Variants in SEC13 observed in about 807,000 individuals in gnomAD.
SEC13 encodes SEC13 homolog, nuclear pore and COPII component.
A neutral mutation model predicts 49.2 loss-of-function variants in SEC13; 25 were observed. The ratio of observed to expected loss-of-function variants is 0.51; its 90% CI spans 0.37 to 0.71. SEC13 has a LOEUF of 0.71. Among genes scored for constraint, SEC13 ranks in the 30% least tolerant of loss-of-function variants. The probability of loss-of-function intolerance (pLI) is 0.00; values close to 1 mark genes in which losing one functional copy is unlikely to be tolerated. For missense variants in SEC13, 383 were observed against 417.6 expected (o/e 0.92, Z 0.72); for synonymous variants, 148 against 163.9 (o/e 0.90, Z 0.74).
chr3:10,301,308 C>G lies in SEC13; in HGVS notation c.922G>C (p.Gly308Arg). The part of the protein sequence containing the change: ...VCISDVNKGQ[G>R]SVSASVTEGQ... ...TCTGTCACTGATGCTGATACGGAGC[C>G]CTGGCCCTTGTTGACATCACTGATG... The change falls in exon 9 of 9, where the codon GGC becomes CGC. Residue 308 changes from glycine (G) to arginine (R), a missense_variant. Gly to Arg is a moderately radical substitution (Grantham distance 125). Coordinates refer to ENST00000350697, the MANE Select transcript of SEC13 (RefSeq NM_183352.3). The G allele has an allele frequency of 6.2e-7, 1 of 1,614,176 alleles. No individual in the cohort carries two copies. Among genetic ancestry groups the G allele is most frequent in the Non-Finnish European group, 8.5e-7 (1 of 1,180,036 alleles).
chr3:10,304,336 C>G (rs538395104), intron 7 of SEC13, among the ~76,000 whole-genome samples, 164 bp from the exon 8 acceptor site: 1 of 152,190 alleles, frequency 6.6e-6, no homozygotes, highest in African/African-American at 2.4e-5. Flanking sequence ...TTGTTTCTGT[C>G]TCTTCACACT....
intron 2 of SEC13, among the ~76,000 whole-genome samples, chr3:10,315,952 T>C (rs1701578504): frequency 6.6e-6 from 1 of 152,202 alleles, no homozygotes; most frequent in Non-Finnish European, 1.5e-5. Context: ...TCCATTCAGA[T>C]ATTTGGGCTC....
At chr3:10,317,408 A>G (rs1227968874) in intron 2 of SEC13, among the ~76,000 whole-genome samples, 1 of 152,168 alleles carries the variant, frequency 6.6e-6, no homozygotes, top group Non-Finnish European at 1.5e-5. Flanking sequence ...GTCTTGCTCA[A>G]AGGCTGCTTG....
chr3:10,304,809 T>C lies in SEC13; in HGVS notation c.708+224A>G, dbSNP rs1700762873. 2.6e-5 allele frequency among the ~76,000 whole-genome samples: 4 copies of C among 152,206 alleles called. No individual in the cohort carries two copies. In the South Asian group the frequency reaches 8.3e-4, roughly 32 times the overall value. Reference sequence around the variant, plus strand: ...AATTCATCCCGAATCCGCCTCCTTCTTGGTGCCGGTTCTGTTGTAGCTGTC... The same window carrying C: ...AATTCATCCCGAATCCGCCTCCTTCCTGGTGCCGGTTCTGTTGTAGCTGTC... On this transcript the variant is annotated intron_variant, in intron 7 of 8. Transcript: ENST00000350697.
intron 8 of SEC13, among the ~76,000 whole-genome samples, chr3:10,302,419 G>GAGAC (rs1376848747): frequency 1.3e-5 from 2 of 152,214 alleles, no homozygotes; most frequent in Non-Finnish European, 2.9e-5. Context: ...GGGTGCTATG[G>GAGAC]AGACAGCGAA....
intron 5 of SEC13, among the ~76,000 whole-genome samples, chr3:10,306,425 G>T (rs1559493062): frequency 1.3e-5 from 2 of 152,196 alleles, no homozygotes; most frequent in South Asian, 4.1e-4. Flanking sequence ...CAGGAGGCAC[G>T]TTAGATTGTC....
chr3:10,321,106 T>C lies in SEC13; in HGVS notation c.-54A>G. On this transcript the variant is annotated 5_prime_UTR_variant, in exon 1 of 9. Coordinates refer to ENST00000350697, the MANE Select transcript of SEC13 (RefSeq NM_183352.3). This position sits in a 1 kb window ranked among gnomAD's most constrained non-coding sequence, Gnocchi z 4.1. ...GGACGTGGCAGCTCCCGGCGGCGCC[T>C]CGGAACAGCTCACTTCCGGCGCCGG... 1.2e-6 allele frequency: 2 copies of C among 1,610,876 alleles called. No homozygotes were observed. The highest frequency in any genetic ancestry group is 1.3e-5 in the African/African-American group (1 of 74,610).
At chr3:10,313,116 A>G (rs183002183) in intron 3 of SEC13, 33 of 236,692 alleles carry the variant, frequency 1.4e-4, no homozygotes, top group African/African-American at 6.8e-4. Flanking sequence ...CTGAATTGCT[A>G]TTCATCCTTC....
intron 5 of SEC13, chr3:10,305,930 A>G: frequency 2.5e-6 from 1 of 405,554 alleles, no homozygotes; most frequent in East Asian, 3.5e-5. Context: ...AAGTTTAAGA[A>G]ACAGGACATT....
Position 10,311,972 on chromosome 3 carries a change from G to A in SEC13, c.443C>T (p.Ala148Val). ...GGCAGGGGATGGACTCACGGTGTGA[G>A]CGTTGTTGATCTTCTTTACTTCCCA... ...GQWEVKKINN[A>V]HTIGCNAVSW... is the part of the protein sequence containing the mutation. The change falls in exon 5 of 9, where the codon GCT becomes GTT. Residue 148 changes from alanine to valine, a missense_variant. By Grantham distance (64) the Ala-to-Val change is moderately conservative (BLOSUM62 0). Transcript: ENST00000350697. 2 of 1,614,222 alleles carry A rather than the reference G, an allele frequency of 1.2e-6. No individual in the cohort carries two copies. Among genetic ancestry groups the A allele is most frequent in the Non-Finnish European group, 1.7e-6 (2 of 1,180,038 alleles).
chr3:10,305,544 C>A lies in SEC13; in HGVS notation c.584+15G>T, dbSNP rs768564600. ...AAGTGTCCCCTCAAAGAGAAGGCCA[C>A]ACATCCCTACTTACTTCCACAGCTT... On this transcript the variant is annotated intron_variant, in intron 6 of 8. Transcript: ENST00000350697. The A allele has an allele frequency of 7.4e-6, 12 of 1,612,894 alleles. No homozygotes were observed. The highest frequency in any genetic ancestry group is 1.0e-5 in the Non-Finnish European group (12 of 1,179,688).
At chr3:10,315,649 G>A (rs1179385959) in intron 2 of SEC13, among the ~76,000 whole-genome samples, 1 of 152,192 alleles carries the variant, frequency 6.6e-6, no homozygotes, top group African/African-American at 2.4e-5. Flanking sequence ...AGCAAGCCAT[G>A]CCCAGCTGGT....
chr3:10,306,061 C>T (rs1430276868), intron 5 of SEC13, among the ~76,000 whole-genome samples: 1 of 152,020 alleles, frequency 6.6e-6, no homozygotes, highest in Non-Finnish European at 1.5e-5. Flanking sequence ...GTCATTATGC[C>T]CTTCCTAATC....
intron 8 of SEC13, chr3:10,303,496 G>T (rs35672): frequency 0.75 from 141,237 of 187,638 alleles, 53,998 homozygotes; most frequent in East Asian, 0.97. Flanking sequence ...AGTACATTTG[G>T]GTCCCTGAGC....
In SEC13 at chr3:10,305,598, A is replaced by C; in HGVS notation, c.545T>G (p.Phe182Cys). The change falls in exon 6 of 9, where the codon TTT (phenylalanine) becomes TGT (cysteine). Residue 182 changes from phenylalanine (F) to cysteine (C), a missense_variant. Phe to Cys is a radical substitution (Grantham distance 205). Coordinates refer to ENST00000350697, the MANE Select transcript of SEC13 (RefSeq NM_183352.3). ...GAGGTTGTCACAGCCACCTGATGCA[A>C]ACCTCTTGATGTAATTGGGTTTCTG... The part of the protein sequence containing the change: ...SGQKPNYIKR[F>C]ASGGCDNLIK... 6.2e-7 allele frequency: 1 copy of C among 1,614,128 alleles called. No individual in the cohort carries two copies. The highest frequency in any genetic ancestry group is 8.5e-7 in the Non-Finnish European group (1 of 1,180,016).
At chr3:10,305,458 A>T in intron 6 of SEC13, 101 bp downstream of exon 6, 1 of 1,442,476 alleles carries the variant, frequency 6.9e-7, no homozygotes, top group Non-Finnish European at 9.5e-7. Context: ...GGAGGGAGAA[A>T]GAAAGGTGAC....
At chr3:10,306,734 C>T (rs1236237387) in intron 5 of SEC13, among the ~76,000 whole-genome samples, 2 of 152,174 alleles carry the variant, frequency 1.3e-5, no homozygotes, top group African/African-American at 4.8e-5. Flanking sequence ...GAATAAGTCT[C>T]GCTAGATCTG....
At chr3:10,316,478 G>C (rs1292981352) in intron 2 of SEC13, among the ~76,000 whole-genome samples, 1 of 152,136 alleles carries the variant, frequency 6.6e-6, no homozygotes, top group Admixed American at 6.5e-5. Context: ...AGGCAGTAGA[G>C]GAGTGTTTCT....
At chr3:10,302,070 T>G (rs531386125) in intron 8 of SEC13, among the ~76,000 whole-genome samples, 17 of 151,926 alleles carry the variant, frequency 1.1e-4, no homozygotes, top group Admixed American at 2.0e-4. Flanking sequence ...AAACCCCATC[T>G]CATCTCTACT....
Sources: gnomAD v4.1 joint callset for allele counts (sites outside exome capture counted in the v4.1 genomes callset) on GRCh38, gnomAD v4.1.1 for gene constraint, Gnocchi (gnomAD v3.1) non-coding constraint, MANE v1.5 for transcripts, NCBI Gene and HGNC (gene_info 2026-07-23, HGNC 2026-07-21) for gene names.